Variants in ARIH2 observed in about 807,000 individuals in gnomAD.
The protein encoded by ARIH2 is E3 ubiquitin-protein ligase ARIH2.
A neutral mutation model predicts 79.8 loss-of-function variants in ARIH2; 12 were observed. The ratio of observed to expected loss-of-function variants is 0.15; its 90% confidence interval spans 0.10 to 0.24. ARIH2 has a LOEUF of 0.24. Among genes scored for constraint, ARIH2 ranks in the 10% least tolerant of loss-of-function variants. ARIH2 has a pLI of 1.00. For missense variants in ARIH2, 301 were observed against 618.3 expected (o/e 0.49, Z 5.44); for synonymous variants, 224 against 213.9 (o/e 1.05, Z -0.41).
rs72932027 is a variant in ARIH2 at position 48,948,996 on chromosome 3, G to A, written c.256-12616G>A. Reference sequence around the variant, plus strand: ...GTTGTTTCTAATTTTGGGCTACTACGCAGTATGCTGCTGTGACCATTCATG... The same window carrying A: ...GTTGTTTCTAATTTTGGGCTACTACACAGTATGCTGCTGTGACCATTCATG... On this transcript the variant is annotated intron_variant, in intron 3 of 15. Transcript: ENST00000356401. 2.8e-3 allele frequency: 1,243 copies of A among 447,420 alleles called. 17 individuals are homozygous for A. The highest frequency in any genetic ancestry group is 0.022 in the African/African-American group (1,119 of 49,876). The allele number at this position is 447,420 out of a possible 1,614,324, so 27.7% of individuals were successfully genotyped here.
rs1373644514 is a variant in ARIH2, at chr3:48,986,259, G to A, written c.*2989G>A. 1 of 152,234 alleles carries A rather than the reference G, an allele frequency of 6.6e-6. No individual in the cohort carries two copies. The highest frequency in any genetic ancestry group is 1.9e-4 in the East Asian group (1 of 5,202). 9.4% of individuals were successfully genotyped at this position (152,234 alleles called of 1,614,324 possible). On this transcript the variant is annotated 3_prime_UTR_variant, in exon 16 of 16. Transcript: ENST00000356401. ...CACCTGGGCATACAGTGGTATGCAA[G>A]TGATTCACGTGCTCTAGCTTCCAGG...
chr3:48,956,659 A>G (rs2090616767), intron 3 of ARIH2, among the ~76,000 whole-genome samples: 1 of 125,262 alleles, frequency 8.0e-6, no homozygotes, highest in South Asian at 2.9e-4. Context: ...TGGGAGATGC[A>G]TACAGCTGAC....
At chr3:48,960,896 A>G (rs1489172197) in intron 3 of ARIH2, among the ~76,000 whole-genome samples, 1 of 151,972 alleles carries the variant, frequency 6.6e-6, no homozygotes, top group South Asian at 2.1e-4. Context: ...CTAATTTTTT[A>G]CTATTGTAAG....
At chr3:48,957,415 A>C (rs888191354) in intron 3 of ARIH2, among the ~76,000 whole-genome samples, 2 of 152,260 alleles carry the variant, frequency 1.3e-5, no homozygotes, top group Admixed American at 1.3e-4. Context: ...CCCAGTGTCC[A>C]GTCCATTTCT....
intron 3 of ARIH2, among the ~76,000 whole-genome samples, chr3:48,935,801 C>T (rs2087026016): frequency 6.6e-6 from 1 of 152,092 alleles, no homozygotes; most frequent in Non-Finnish European, 1.5e-5. Context: ...GTCTTGGTTC[C>T]TTAAAACACA....
At chr3:48,936,062 G>T (rs545755400) in intron 3 of ARIH2, among the ~76,000 whole-genome samples, 2 of 152,182 alleles carry the variant, frequency 1.3e-5, no homozygotes, top group East Asian at 1.9e-4. Flanking sequence ...TAGCTTGTTT[G>T]TACCTGTATT....
intron 1 of ARIH2, chr3:48,919,337 T>C: frequency 1.5e-6 from 1 of 686,738 alleles, no homozygotes; most frequent in Non-Finnish European, 2.1e-6. Context: ...GAGTCATCTT[T>C]GGGAGCTCTC....
At chr3:48,963,304 C>G (rs142627487) in intron 4 of ARIH2, among the ~76,000 whole-genome samples, 1 of 152,118 alleles carries the variant, frequency 6.6e-6, no homozygotes, top group East Asian at 1.9e-4. Context: ...TAGGATATCT[C>G]TCACTGCCCA....
chr3:48,964,815 T>C (rs1178799968), intron 4 of ARIH2, 104 bp from the exon 5 acceptor site: 3 of 865,778 alleles, frequency 3.5e-6, no homozygotes, highest in East Asian at 2.7e-5. Flanking sequence ...TGTGAGAAAG[T>C]AGAGACAAAG....
At chr3:48,946,708 A>C (rs1214247662) in intron 3 of ARIH2, among the ~76,000 whole-genome samples, 2 of 151,972 alleles carry the variant, frequency 1.3e-5, no homozygotes, top group Non-Finnish European at 2.9e-5. Flanking sequence ...AGCTCATTTC[A>C]AGCTGGAAAG....
At chr3:48,950,950 T>TC (rs1491104762) in intron 3 of ARIH2, among the ~76,000 whole-genome samples, 5 of 150,154 alleles carry the variant, frequency 3.3e-5, no homozygotes, top group Non-Finnish European at 7.4e-5. Context: ...TCTTTCTTCT[T>TC]CTTTTTTTTT....
chr3:48,926,590 A>G (rs759096771), intron 2 of ARIH2: 2 of 147,312 alleles, frequency 1.4e-5, no homozygotes, highest in Non-Finnish European at 3.0e-5. Context: ...CACTCTTGTC[A>G]TCCAGGCTAG....
chr3:48,976,734 A>G (rs2092522348), intron 11 of ARIH2, among the ~76,000 whole-genome samples: 2 of 152,150 alleles, frequency 1.3e-5, no homozygotes, highest in African/African-American at 4.8e-5. Context: ...ACATCCCAGC[A>G]CCCACCACAT....
intron 5 of ARIH2, among the ~76,000 whole-genome samples, chr3:48,965,727 G>T (rs988461013): frequency 3.9e-5 from 6 of 152,202 alleles, no homozygotes. Context: ...TTGGGGGGCC[G>T]AGGCGGGCGG....
chr3:48,934,633 C>T (rs754863872), intron 3 of ARIH2: 1 of 985,276 alleles, frequency 1.0e-6, no homozygotes, highest in Non-Finnish European at 1.2e-6. Flanking sequence ...GGTTTGTTAA[C>T]ATGTTTCACA....
chr3:48,919,056 T>C (rs1308414764), intron 1 of ARIH2, 58 bp downstream of exon 1: 3 of 1,318,998 alleles, frequency 2.3e-6, no homozygotes, highest in Non-Finnish European at 2.9e-6. Flanking sequence ...TGGGGGGGCC[T>C]CTCCGCGCGC....
intron 5 of ARIH2, 60 bp from the exon 6 acceptor site, chr3:48,967,065 A>G (rs1013792274): frequency 7.1e-6 from 11 of 1,558,090 alleles, no homozygotes; most frequent in Non-Finnish European, 8.7e-6. Context: ...TGCATGAGGT[A>G]CCCTTATGGC....
At chr3:48,968,998 C>T (rs2091992108) in intron 7 of ARIH2, among the ~76,000 whole-genome samples, 2 of 152,160 alleles carry the variant, frequency 1.3e-5, no homozygotes, top group South Asian at 4.1e-4. Context: ...ATTCTCCTGC[C>T]TCAGCCTCCC....
intron 3 of ARIH2, among the ~76,000 whole-genome samples, chr3:48,951,564 T>C (rs2089959538): frequency 6.6e-6 from 1 of 152,144 alleles, no homozygotes; most frequent in South Asian, 2.1e-4. Context: ...GCCTGGAACT[T>C]GGTGGGAAGG....
Sources: allele counts gnomAD v4.1 joint callset (sites outside exome capture counted in the v4.1 genomes callset), GRCh38; gene constraint gnomAD v4.1.1; transcripts MANE v1.5; gene names NCBI Gene and HGNC (gene_info 2026-07-23, HGNC 2026-07-21).